TRPA1: variants seen among roughly 807,000 people sequenced by gnomAD.
TRPA1 encodes the protein transient receptor potential cation channel subfamily A member 1.
TRPA1 carries 129 observed loss-of-function variants against 131.3 expected under a neutral mutation model. That is an observed-to-expected ratio of 0.98 (90% CI 0.85 to 1.14). The LOEUF (loss-of-function observed/expected upper bound fraction) is 1.14. Among genes scored for constraint, TRPA1 ranks in the 50% most tolerant of loss-of-function variants. TRPA1 has a pLI of 0.00. For synonymous variants in TRPA1, 441 were observed against 451.7 expected, an observed-to-expected ratio of 0.98 and a Z score of 0.30; for missense variants, 1,304 against 1,354.2, an observed-to-expected ratio of 0.96 and a Z score of 0.58.
At chr8:72,078,755 CTTG>C (rs1224857445), upstream of TRPA1, among the ~76,000 whole-genome samples, 3 of 152,000 alleles carry the variant, frequency 2.0e-5, no homozygotes, top group Non-Finnish European at 4.4e-5. Flanking sequence ...TTTTATTTCT[CTTG>C]TTTAGAGAGA....
Position 72,034,296 on chromosome 8 carries a change from G to T in TRPA1, c.2637C>A (p.Phe879Leu). 2 of 1,607,012 alleles carry T rather than the reference G, an allele frequency of 1.2e-6. No individual in the cohort carries two copies. Among genetic ancestry groups the T allele is most frequent in the Non-Finnish European group, 8.5e-7 (1 of 1,176,570 alleles). Residue 879 changes from phenylalanine to leucine, a missense_variant, in exon 22 of 27, where the codon TTC becomes TTA. Physicochemically the swap from Phe to Leu is conservative, Grantham distance 22. Transcript: ENST00000262209. ...TLLRSTVVFIFLLLAFGLSFY... is the reference protein window; with the variant it reads ...TLLRSTVVFILLLLAFGLSFY... ...AGCTGAGTCCAAAAGCCAGAAGAAG[G>T]AAGATAAATACAACTGTAGACCTCA... is the stretch of plus-strand genomic sequence containing the variant.
At chr8:72,031,320 T>C (rs1444762645) in intron 23 of TRPA1, among the ~76,000 whole-genome samples, 1 of 152,178 alleles carries the variant, frequency 6.6e-6, no homozygotes, top group Non-Finnish European at 1.5e-5. Flanking sequence ...ATTTTACATC[T>C]GTAATCCCAG....
intron 21 of TRPA1, among the ~76,000 whole-genome samples, chr8:72,035,040 A>G (rs1316396904): frequency 6.6e-6 from 1 of 152,214 alleles, no homozygotes; most frequent in African/African-American, 2.4e-5. Flanking sequence ...CAGGGCACAC[A>G]CTACATGATT....
intron 7 of TRPA1, among the ~76,000 whole-genome samples, chr8:72,060,709 C>T (rs577082284): frequency 7.2e-5 from 11 of 152,102 alleles, no homozygotes; most frequent in East Asian, 5.8e-4. Flanking sequence ...TGGTCAACTT[C>T]GTAGTTTTTT....
rs767619741 is a variant in TRPA1, at chr8:72,025,998, C to T, written c.3013G>A (p.Val1005Met). The T allele has an allele frequency of 1.2e-5, 19 of 1,613,942 alleles. No individual in the cohort carries two copies. Among genetic ancestry groups the T allele is most frequent in the South Asian group, 8.8e-5 (8 of 91,084 alleles). Reference sequence around the variant, plus strand: ...CCAGATCTGGGTTTGTTGGGATACACGATGGTGGATTTCTGATCCACTTTG... The same window carrying T: ...CCAGATCTGGGTTTGTTGGGATACATGATGGTGGATTTCTGATCCACTTTG... ...LRKVDQKSTIVYPNKPRSGGM... is the reference protein window; with the variant it reads ...LRKVDQKSTIMYPNKPRSGGM... The change falls in exon 25 of 27, where the codon GTG becomes ATG. Residue 1005 changes from valine to methionine, a missense_variant. Val to Met is a conservative substitution (Grantham distance 21). Transcript: ENST00000262209.
At chr8:72,036,801 C>T (rs1812068335) in intron 20 of TRPA1, among the ~76,000 whole-genome samples, 1 of 152,180 alleles carries the variant, frequency 6.6e-6, no homozygotes, top group Non-Finnish European at 1.5e-5. Flanking sequence ...GCCTTTCTAT[C>T]CGTATAACAA....
At chr8:72,053,518 C>T in intron 13 of TRPA1, 1 of 537,418 alleles carries the variant, frequency 1.9e-6, no homozygotes, top group Non-Finnish European at 3.4e-6. Flanking sequence ...GGCCTGTGGA[C>T]CTCGCTGCTC....
At chr8:72,077,939 A>G (rs1310117561), upstream of TRPA1, among the ~76,000 whole-genome samples, 1 of 152,078 alleles carries the variant, frequency 6.6e-6, no homozygotes, top group Non-Finnish European at 1.5e-5. Flanking sequence ...AATTTTCTGA[A>G]GGTAATTTTT....
At chr8:72,023,988 A>G (rs1403933287) in intron 25 of TRPA1, 77 bp from the exon 26 acceptor site, 2 of 939,606 alleles carry the variant, frequency 2.1e-6, no homozygotes, top group Non-Finnish European at 3.5e-6. Context: ...CCAAAATTCA[A>G]CCACCACTGG....
the TRPA1 span, among the ~76,000 whole-genome samples, chr8:72,082,193 C>T: frequency 4.0e-5 from 6 of 151,874 alleles, no homozygotes; most frequent in Admixed American, 3.9e-4. Context: ...TTACAGTCTA[C>T]TTTAGATTAA....
chr8:72,087,718 A>G, the TRPA1 span, among the ~76,000 whole-genome samples: 4 of 151,726 alleles, frequency 2.6e-5, no homozygotes, highest in Non-Finnish European at 5.9e-5. Flanking sequence ...ACATATTCTC[A>G]CATTTTAAAT....
At chr8:72,053,007 A>AAGAGAGAGAGAGAGAG in intron 13 of TRPA1, 4 of 228,336 alleles carry the variant, frequency 1.8e-5, no homozygotes, top group East Asian at 2.3e-4. Context: ...GAGATAGAGA[A>AAGAGAGAGAGAGAGAG]AGAGAGAGAG....
At chr8:72,051,889 A>T (rs1805517462) in intron 14 of TRPA1, among the ~76,000 whole-genome samples, 1 of 152,166 alleles carries the variant, frequency 6.6e-6, no homozygotes. Context: ...CCCACATTTT[A>T]TTTTTTAAGA....
At position 72,052,781 on chromosome 8, in the gene TRPA1, A is replaced by C; in HGVS notation, c.1645-16T>G. ...GTGCAGTGTTCTTTTGAAGAAAAAC[A>C]GACACAGAAAACGTGGTGACAGTGT... On this transcript the variant is annotated splice_polypyrimidine_tract_variant and intron_variant, in intron 13 of 26. Transcript: ENST00000262209. 1 of 1,611,994 alleles carries C rather than the reference A, an allele frequency of 6.2e-7. No individual in the cohort carries two copies. The highest frequency in any genetic ancestry group is 8.5e-7 in the Non-Finnish European group (1 of 1,179,684).
chr8:72,036,587 G>A, intron 20 of TRPA1, 130 bp from the exon 21 acceptor site: 1 of 800,392 alleles, frequency 1.2e-6, no homozygotes, highest in Non-Finnish European at 2.0e-6. Context: ...GGACCAAGGA[G>A]TAACCTCACG....
intron 19 of TRPA1, 46 bp downstream of exon 19, chr8:72,038,819 C>A: frequency 6.5e-7 from 1 of 1,529,074 alleles, no homozygotes; most frequent in Non-Finnish European, 8.9e-7. Flanking sequence ...AGAAAAAATA[C>A]ATTTTTTATA....
intron 24 of TRPA1, among the ~76,000 whole-genome samples, chr8:72,028,850 GA>G (rs1156531365): frequency 5.3e-5 from 8 of 152,288 alleles, no homozygotes; most frequent in African/African-American, 1.9e-4. Context: ...TAACAGAGAA[GA>G]AAGAATTTGG....
chr8:72,041,827 C>T (rs1462020326), intron 17 of TRPA1, among the ~76,000 whole-genome samples: 1 of 151,038 alleles, frequency 6.6e-6, no homozygotes, highest in Non-Finnish European at 1.5e-5. Context: ...CAGACTAAAC[C>T]TAAGATTAGC....
At chr8:72,083,516 C>T in the TRPA1 span, among the ~76,000 whole-genome samples, 1 of 151,330 alleles carries the variant, frequency 6.6e-6, no homozygotes, top group Non-Finnish European at 1.5e-5. Flanking sequence ...GGGTGGATCA[C>T]GAGGTCAAGG....
Sources: allele counts gnomAD v4.1 joint callset (sites outside exome capture counted in the v4.1 genomes callset), GRCh38; gene constraint gnomAD v4.1.1; transcripts MANE v1.5; gene names NCBI Gene and HGNC (gene_info 2026-07-23, HGNC 2026-07-21).